Variants in PPP2R2D observed in about 807,000 individuals in gnomAD.
PPP2R2D encodes the protein serine/threonine-protein phosphatase 2A 55 kDa regulatory subunit B delta isoform.
PPP2R2D carries 9 observed loss-of-function variants against 31.1 expected under a neutral mutation model. The ratio of observed to expected loss-of-function variants is 0.29; its 90% CI spans 0.17 to 0.51. The LOEUF is 0.51. Among genes scored for constraint, PPP2R2D ranks in the 20% least tolerant of loss-of-function variants. PPP2R2D has a pLI of 0.98. For missense variants in PPP2R2D, 391 were observed against 465.6 expected (o/e 0.84, Z 1.48); for synonymous variants, 179 against 172.6 (o/e 1.04, Z -0.29).
chr10:131,932,662 A>AAAAAAAAAAACAAAAAAAACAAAAAAAAG (rs2036260852), intron 2 of PPP2R2D, among the ~76,000 whole-genome samples: 1 of 149,344 alleles, frequency 6.7e-6, no homozygotes, highest in Non-Finnish European at 1.5e-5. Flanking sequence ...AAAAAAAAAA[A>AAAAAAAAAAACAAAAAAAACAAAAAAAAG]AAAAAACACA....
intron 2 of PPP2R2D, among the ~76,000 whole-genome samples, chr10:131,922,479 A>C (rs2036007831): frequency 1.3e-5 from 2 of 148,448 alleles, no homozygotes; most frequent in Non-Finnish European, 3.0e-5. Context: ...TTGAGACAGA[A>C]TCTCACACTG....
intron 2 of PPP2R2D, among the ~76,000 whole-genome samples, chr10:131,921,106 T>A (rs2035977988): frequency 1.3e-5 from 2 of 152,254 alleles, no homozygotes; most frequent in African/African-American, 4.8e-5. Flanking sequence ...TTTCCCCTTT[T>A]GATACCAGCT....
intron 2 of PPP2R2D, among the ~76,000 whole-genome samples, chr10:131,907,743 C>CAA (rs36197827): frequency 1.3e-4 from 15 of 113,750 alleles, no homozygotes; most frequent in African/African-American, 4.0e-4. Flanking sequence ...GACTCCATAT[C>CAA]AAAAAAAAAA....
the PPP2R2D span, chr10:131,971,042 C>A: frequency 1.4e-6 from 2 of 1,386,582 alleles, no homozygotes; most frequent in East Asian, 4.6e-5. Context: ...AGCTCCCACC[C>A]GAGCTTCAGA....
the PPP2R2D span, chr10:131,971,417 A>G: frequency 1.8e-5 from 3 of 169,224 alleles, no homozygotes; most frequent in Non-Finnish European, 3.8e-5. Flanking sequence ...CAGGTTTACA[A>G]GATGCTTCCG....
Position 131,932,646 on chromosome 10 carries a change from C to CAAAAAAAAAAAAAAAAAAAAAAAA in PPP2R2D, c.101-1790_101-1789insAAAAAAAAAAAAAAAAAAAAAAAA, listed in dbSNP as rs368610703. Among the ~76,000 whole-genome samples, 45 of 57,838 alleles carry CAAAAAAAAAAAAAAAAAAAAAAAA rather than the reference C, an allele frequency of 7.8e-4. 3 individuals are homozygous for CAAAAAAAAAAAAAAAAAAAAAAAA. The highest frequency in any genetic ancestry group is 1.2e-3 in the Non-Finnish European group (38 of 32,282). The allele number at this position is 57,838 out of a possible 152,430, so 37.9% of individuals were successfully genotyped here. ...CGCGCCACTGTACTCCAGCCTGTCT[C>CAAAAAAAAAAAAAAAAAAAAAAAA]AAAAAAAAAAAAAAAAAAAAAACAC... On this transcript the variant is annotated intron_variant, in intron 2 of 8. Transcript: ENST00000455566.
rs2036803912 is a variant in PPP2R2D, at chr10:131,956,548, A to C, written c.*585A>C. 2 of 985,244 alleles carry C rather than the reference A, an allele frequency of 2.0e-6. No individual in the cohort carries two copies. Among genetic ancestry groups the C allele is most frequent in the African/African-American group, 3.5e-5 (2 of 57,230 alleles). 61.0% of individuals were successfully genotyped at this position (985,244 alleles called of 1,614,324 possible). ...CACACTATAAAGTGTTTTTAAATCC[A>C]AACAGAAGTATTGTCTTTTTATTTA... On this transcript the variant is annotated 3_prime_UTR_variant, in exon 9 of 9. Coordinates refer to ENST00000455566, the MANE Select transcript of PPP2R2D (RefSeq NM_018461.5).
chr10:131,929,463 G>A (rs781941432), intron 2 of PPP2R2D, among the ~76,000 whole-genome samples: 7 of 152,182 alleles, frequency 4.6e-5, no homozygotes, highest in African/African-American at 4.8e-5. Flanking sequence ...GCTGGCCTCA[G>A]GTGTGAAGTG....
At chr10:131,965,839 CTG>C in the PPP2R2D span, among the ~76,000 whole-genome samples, 3 of 152,186 alleles carry the variant, frequency 2.0e-5, no homozygotes, top group African/African-American at 7.2e-5. Flanking sequence ...TATTTTTGCA[CTG>C]TGTTTTACTT....
At chr10:131,969,948 G>A in the PPP2R2D span, 1 of 152,692 alleles carries the variant, frequency 6.5e-6, no homozygotes, top group East Asian at 1.9e-4. Flanking sequence ...CAGCACTTTG[G>A]AGGCCGAGGT....
downstream of PPP2R2D, among the ~76,000 whole-genome samples, chr10:131,962,076 C>T (rs1310357947): frequency 3.3e-5 from 5 of 152,160 alleles, no homozygotes; most frequent in Admixed American, 6.5e-5. Context: ...CTGGCCTGTA[C>T]GATGATTTTG....
At chr10:131,920,403 T>C (rs1247508494) in intron 2 of PPP2R2D, among the ~76,000 whole-genome samples, 2 of 151,500 alleles carry the variant, frequency 1.3e-5, no homozygotes, top group African/African-American at 4.9e-5. Flanking sequence ...AGTGACACAG[T>C]GTAGGGACCT....
chr10:131,926,963 A>G (rs1030014161), intron 2 of PPP2R2D, among the ~76,000 whole-genome samples: 3 of 152,180 alleles, frequency 2.0e-5, no homozygotes, highest in Admixed American at 2.0e-4. Context: ...GGCTACAGCG[A>G]GTTCATGAAG....
At chr10:131,938,811 A>G (rs1554896801) in intron 3 of PPP2R2D, among the ~76,000 whole-genome samples, 2 of 152,130 alleles carry the variant, frequency 1.3e-5, no homozygotes, top group Non-Finnish European at 2.9e-5. Context: ...TCTGGTTGGC[A>G]TATGTGTGGC....
the PPP2R2D span, chr10:131,969,826 G>A: frequency 6.6e-5 from 10 of 152,376 alleles, no homozygotes; most frequent in African/African-American, 1.7e-4. Context: ...CCGCTGCGGC[G>A]AACGCTCTTC....
At chr10:131,954,598 C>T (rs371189566) in intron 8 of PPP2R2D, among the ~76,000 whole-genome samples, 1 of 151,338 alleles carries the variant, frequency 6.6e-6, no homozygotes, top group Non-Finnish European at 1.5e-5. Context: ...AAACATGGAT[C>T]GCTGAATGCA....
chr10:131,953,338 T>TAGC (rs2036724246), intron 8 of PPP2R2D, among the ~76,000 whole-genome samples: 1 of 64,794 alleles, frequency 1.5e-5, no homozygotes, highest in Non-Finnish European at 2.9e-5. Context: ...TTCACTGTCT[T>TAGC]AGTGACTTCC....
At chr10:131,962,496 A>G (rs2036938651), downstream of PPP2R2D, among the ~76,000 whole-genome samples, 1 of 152,254 alleles carries the variant, frequency 6.6e-6, no homozygotes, top group African/African-American at 2.4e-5. Context: ...ATAGTTTTCG[A>G]TTCTGCAACT....
At chr10:131,949,212 G>C (rs1332740251) in intron 8 of PPP2R2D, among the ~76,000 whole-genome samples, 1 of 152,232 alleles carries the variant, frequency 6.6e-6, no homozygotes, top group African/African-American at 2.4e-5. Flanking sequence ...GTTGGCCTGG[G>C]TTCCCCACGG....
Sources: allele counts gnomAD v4.1 joint callset (sites outside exome capture counted in the v4.1 genomes callset), GRCh38; gene constraint gnomAD v4.1.1; transcripts MANE v1.5; gene names NCBI Gene and HGNC (gene_info 2026-07-23, HGNC 2026-07-21).